The following PAQR8 variants were observed in gnomAD, a reference collection of about 807,000 sequenced individuals.
The protein encoded by PAQR8 is membrane progestin receptor beta.
A neutral mutation model predicts 25.2 loss-of-function variants in PAQR8; 17 were observed. That is an observed-to-expected ratio of 0.67 (90% confidence interval 0.46 to 1.01). The LOEUF (loss-of-function observed/expected upper bound fraction) is 1.01. Among genes scored for constraint, PAQR8 ranks in the 50% least tolerant of loss-of-function variants. The probability of loss-of-function intolerance (pLI) is 0.00; values close to 1 mark genes in which losing one functional copy is unlikely to be tolerated. For missense variants in PAQR8, 392 were observed against 448.4 expected (o/e 0.87, Z 1.14); for synonymous variants, 204 against 190.6 (o/e 1.07, Z -0.58).
intron 1 of PAQR8, among the ~76,000 whole-genome samples, chr6:52,375,653 C>T (rs1024854225): frequency 2.6e-5 from 4 of 152,276 alleles, no homozygotes; most frequent in Admixed American, 2.6e-4. Context: ...CTTGGGACTA[C>T]AGGTGCATGG....
intron 1 of PAQR8, among the ~76,000 whole-genome samples, chr6:52,375,393 T>G (rs1304703432): frequency 6.6e-6 from 1 of 152,210 alleles, no homozygotes; most frequent in Non-Finnish European, 1.5e-5. Flanking sequence ...GTGAGCTCTT[T>G]AGCCTGTGGT....
rs67846872 is a variant in PAQR8, at chr6:52,364,083, G to GTTTTTTTTTTTTTTTTT, written c.-53+1838_-53+1854dup. Among the ~76,000 whole-genome samples the GTTTTTTTTTTTTTTTTT allele has an allele frequency of 2.6e-3, 219 of 84,286 alleles. 39 individuals are homozygous for GTTTTTTTTTTTTTTTTT. The highest frequency in any genetic ancestry group is 3.9e-3 in the Non-Finnish European group (177 of 45,822). The allele number at this position is 84,286 out of a possible 152,430, so 55.3% of individuals were successfully genotyped here. On this transcript the variant is annotated intron_variant, in intron 1 of 1. Transcript: ENST00000442253. ...AGTGGATATATCCATTGAAAGATAT[G>GTTTTTTTTTTTTTTTTT]TTTTTTTTTTTTTTTTTTTTGCGGG...
intron 1 of PAQR8, among the ~76,000 whole-genome samples, chr6:52,393,239 A>G (rs1271872736): frequency 1.3e-5 from 2 of 152,128 alleles, no homozygotes; most frequent in Non-Finnish European, 2.9e-5. Flanking sequence ...GGAAGTTTAA[A>G]TAAGTTAATA....
At position 52,381,320 on chromosome 6, in the gene PAQR8, A is replaced by AGCAATGGCTGGGT. The variant is rs1202238266; in HGVS notation, c.-53+19074_-53+19086dup. Among the ~76,000 whole-genome samples the AGCAATGGCTGGGT allele has an allele frequency of 4.7e-5, 6 of 126,924 alleles. No individual in the cohort carries two copies. In the South Asian group the frequency reaches 1.7e-3, roughly 36 times the overall value. The allele number at this position is 126,924 out of a possible 152,430, so 83.3% of individuals were successfully genotyped here. The stretch of plus-strand genomic sequence containing the variant: ...AAGCATTGGTGGATTCAAAAAGCAC[A>AGCAATGGCTGGGT]GCAATGGCTGGGTGCGGTGGCTCGG... On this transcript the variant is annotated intron_variant, in intron 1 of 1. Transcript: ENST00000442253.
intron 1 of PAQR8, among the ~76,000 whole-genome samples, chr6:52,379,800 TG>T (rs1402550471): frequency 6.6e-6 from 1 of 152,168 alleles, no homozygotes; most frequent in African/African-American, 2.4e-5. Context: ...CTAATTTTTT[TG>T]TATTTTTAGT....
At chr6:52,383,457 C>T (rs889607570) in intron 1 of PAQR8, among the ~76,000 whole-genome samples, 1 of 152,018 alleles carries the variant, frequency 6.6e-6, no homozygotes, top group East Asian at 1.9e-4. Context: ...GTCAGGAGAT[C>T]GAGACCATCC....
At chr6:52,391,659 C>A (rs572702745) in intron 1 of PAQR8, among the ~76,000 whole-genome samples, 1 of 152,342 alleles carries the variant, frequency 6.6e-6, no homozygotes, top group East Asian at 1.9e-4. Context: ...TCCAACTCCA[C>A]CTCTGGCTCA....
chr6:52,388,349 C>T (rs1340988806), intron 1 of PAQR8, among the ~76,000 whole-genome samples: 1 of 151,036 alleles, frequency 6.6e-6, no homozygotes, highest in African/African-American at 2.4e-5. Flanking sequence ...GCACTCCAGC[C>T]TGGGCAACAG....
intron 1 of PAQR8, among the ~76,000 whole-genome samples, chr6:52,378,759 C>G (rs549835991): frequency 6.6e-6 from 1 of 150,724 alleles, no homozygotes; most frequent in Non-Finnish European, 1.5e-5. Flanking sequence ...CCTCTGCACT[C>G]CAGCCTGGGC....
intron 1 of PAQR8, among the ~76,000 whole-genome samples, chr6:52,382,442 A>G (rs559742442): frequency 5.9e-5 from 9 of 152,186 alleles, no homozygotes; most frequent in Admixed American, 4.6e-4. Flanking sequence ...AACAACCTCC[A>G]TGTCCATCCA....
rs35641291 is a variant in PAQR8, at chr6:52,388,378, GA to G, written c.-52-14770del. ...GCAACAGAGCAAGACCCTGTGTCAG[GA>G]AAAAAAAAAAAAAGCAATAAATGTA... On this transcript the variant is annotated intron_variant, in intron 1 of 1. Coordinates refer to ENST00000442253, the MANE Select transcript of PAQR8 (RefSeq NM_133367.5). Among the ~76,000 whole-genome samples the G allele has an allele frequency of 9.0e-3, 1,204 of 133,550 alleles. 7 individuals are homozygous for G. The highest frequency in any genetic ancestry group is 0.011 in the Middle Eastern group (3 of 262). The allele number at this position is 133,550 out of a possible 152,430, so 87.6% of individuals were successfully genotyped here. A position where few individuals can be genotyped will look rare whatever the true frequency, so the allele number is the denominator to read the frequency against.
chr6:52,384,792 A>G (rs1763610693), intron 1 of PAQR8, among the ~76,000 whole-genome samples: 1 of 152,254 alleles, frequency 6.6e-6, no homozygotes, highest in Non-Finnish European at 1.5e-5. Context: ...AAAAGGCTAC[A>G]GTAGCATGGT....
At chr6:52,375,180 G>GC (rs1763471485) in intron 1 of PAQR8, among the ~76,000 whole-genome samples, 1 of 151,934 alleles carries the variant, frequency 6.6e-6, no homozygotes, top group African/African-American at 2.4e-5. Flanking sequence ...TCCCTCCTGA[G>GC]CCCCACCTCC....
chr6:52,383,759 A>T (rs1763596514), intron 1 of PAQR8, among the ~76,000 whole-genome samples: 1 of 152,112 alleles, frequency 6.6e-6, no homozygotes, highest in African/African-American at 2.4e-5. Context: ...ATTCTGCATG[A>T]TATCAAGCAG....
chr6:52,385,335 G>T (rs762409411), intron 1 of PAQR8, among the ~76,000 whole-genome samples: 3 of 152,174 alleles, frequency 2.0e-5, no homozygotes, highest in Non-Finnish European at 2.9e-5. Context: ...CCAGCCATGT[G>T]GAACTGTGAG....
Position 52,406,871 on chromosome 6 carries a change from GT to G in PAQR8, c.*2599del, listed in dbSNP as rs1229479307. On this transcript the variant is annotated 3_prime_UTR_variant, in exon 2 of 2. Transcript: ENST00000442253. Reference sequence around the variant, plus strand: ...AGCCATCACGCCTGCCCTAGAAACAGTTTTTTAATAGGAGATATTTGAGAGG... The same window carrying G: ...AGCCATCACGCCTGCCCTAGAAACAGTTTTTAATAGGAGATATTTGAGAGG... 3.8e-6 allele frequency: 1 copy of G among 263,478 alleles called. No homozygotes were observed. Among genetic ancestry groups the G allele is most frequent in the East Asian group, 7.5e-5 (1 of 13,336 alleles). 16.3% of individuals were successfully genotyped at this position (263,478 alleles called of 1,614,324 possible).
At chr6:52,384,679 T>A (rs908028903) in intron 1 of PAQR8, among the ~76,000 whole-genome samples, 1 of 152,174 alleles carries the variant, frequency 6.6e-6, no homozygotes, top group Non-Finnish European at 1.5e-5. Flanking sequence ...GAAATTCATA[T>A]GGAAACAAAG....
At position 52,404,464 on chromosome 6, in the gene PAQR8, C is replaced by T. The variant is rs552630869; in HGVS notation, c.*186C>T. The T allele has an allele frequency of 3.3e-6, 2 of 600,720 alleles. No individual in the cohort carries two copies. The highest frequency in any genetic ancestry group is 3.2e-5 in the Admixed American group (1 of 31,178). The allele number at this position is 600,720 out of a possible 1,614,324, so 37.2% of individuals were successfully genotyped here. A position where few individuals can be genotyped will look rare whatever the true frequency, so the allele number is the denominator to read the frequency against. On this transcript the variant is annotated 3_prime_UTR_variant, in exon 2 of 2. Transcript: ENST00000442253. ...TGTTGTTGTTAATAAAAGGAATACT[C>T]CTTTTCCTTTTGGATCATAGCTTAA... is the stretch of plus-strand genomic sequence containing the variant.
chr6:52,384,864 C>G (rs1763611540), intron 1 of PAQR8, among the ~76,000 whole-genome samples: 1 of 152,108 alleles, frequency 6.6e-6, no homozygotes, highest in African/African-American at 2.4e-5. Context: ...AAGCTGCACG[C>G]CTACAATCAA....
Sources: gnomAD v4.1 joint callset for allele counts (sites outside exome capture counted in the v4.1 genomes callset) on GRCh38, gnomAD v4.1.1 for gene constraint, MANE v1.5 for transcripts, NCBI Gene and HGNC (gene_info 2026-07-23, HGNC 2026-07-21) for gene names.